Variants in PCDHA4 observed in about 807,000 individuals in gnomAD.
PCDHA4 encodes protocadherin alpha-4.
Under a neutral mutation model 61.4 loss-of-function variants are expected in PCDHA4, and 49 were observed. The ratio of observed to expected loss-of-function variants is 0.80; its 90% CI spans 0.63 to 1.01. The LOEUF (loss-of-function observed/expected upper bound fraction) is 1.01. PCDHA4 is among the 50% of genes least tolerant of loss of function. PCDHA4 has a pLI of 0.00. For synonymous variants in PCDHA4, 590 were observed against 550.3 expected (o/e 1.07, Z -1.01); for missense variants, 1,254 against 1,235.8 (o/e 1.01, Z -0.22).
At chr5:140,921,850 G>C (rs2080436717) in intron 1 of PCDHA4, among the ~76,000 whole-genome samples, 1 of 151,984 alleles carries the variant, frequency 6.6e-6, no homozygotes, top group African/African-American at 2.4e-5. Context: ...ATTTATAGAT[G>C]TGTGTGTATA....
At chr5:140,979,086 G>A in intron 2 of PCDHA4, 79 bp downstream of exon 2, 3 of 1,561,050 alleles carry the variant, frequency 1.9e-6, no homozygotes, top group South Asian at 2.4e-5. Flanking sequence ...CCATAGGCCA[G>A]AAGCAGCTGT....
chr5:140,997,668 T>TTGTGTGTGTGTG (rs35184029), intron 3 of PCDHA4, among the ~76,000 whole-genome samples: 18 of 148,344 alleles, frequency 1.2e-4, no homozygotes, highest in Middle Eastern at 3.4e-3. Flanking sequence ...ATTATACAGC[T>TTGTGTGTGTGTG]TGTGTGTGTG....
chr5:140,814,016 A>C (rs1002153926), intron 1 of PCDHA4: 1 of 152,744 alleles, frequency 6.5e-6, no homozygotes, highest in Non-Finnish European at 1.5e-5. Context: ...TTCTTTCTTC[A>C]GTAATAAATT....
At chr5:140,986,852 A>G (rs889945842) in intron 3 of PCDHA4, among the ~76,000 whole-genome samples, 1 of 152,190 alleles carries the variant, frequency 6.6e-6, no homozygotes, top group Admixed American at 6.5e-5. Flanking sequence ...CAGCAACACC[A>G]ACAATACCCG....
rs147906609 is a variant in PCDHA4 at position 140,848,609 on chromosome 5, A to G, written c.2385+39037A>G. The G allele has an allele frequency of 2.9e-3, 4,585 of 1,584,560 alleles. 516 individuals carry two copies. Among genetic ancestry groups the G allele is most frequent in the Middle Eastern group, 0.01 (58 of 5,734 alleles). On this transcript the variant is annotated intron_variant, in intron 1 of 3. Coordinates refer to ENST00000530339, the MANE Select transcript of PCDHA4 (RefSeq NM_018907.4). ...AGCTCCACTACTCCGTCCCGGAGGAAGCCGAACACGGCACCTTCGTGGGCC... is the reference window on the plus strand; with the variant it reads ...AGCTCCACTACTCCGTCCCGGAGGAGGCCGAACACGGCACCTTCGTGGGCC...
chr5:140,838,939 AAAAT>A lies in PCDHA4; in HGVS notation c.2385+29371_2385+29374del, dbSNP rs140008993. 4.7e-3 allele frequency among the ~76,000 whole-genome samples: 708 copies of A among 152,118 alleles called. 10 individuals are homozygous for A. The highest frequency in any genetic ancestry group is 5.1e-3 in the Non-Finnish European group (345 of 67,986). ...CAAAAATAAAATAAAATGAAATAATAAAATAAAATAAAATAAAAACCCAGAACTG... is the reference window on the plus strand; with the variant it reads ...CAAAAATAAAATAAAATGAAATAATAAAAATAAAATAAAAACCCAGAACTG... On this transcript the variant is annotated intron_variant, in intron 1 of 3. Coordinates refer to ENST00000530339, the MANE Select transcript of PCDHA4 (RefSeq NM_018907.4).
intron 1 of PCDHA4, among the ~76,000 whole-genome samples, chr5:140,846,373 C>CTTTTTTTTTT (rs374699051): frequency 3.6e-5 from 2 of 55,152 alleles, no homozygotes; most frequent in South Asian, 1.0e-3. Flanking sequence ...TTCTTTCTTT[C>CTTTTTTTTTT]TTTTTTTTTT....
At chr5:140,829,876 C>G in intron 1 of PCDHA4, 2 of 1,613,910 alleles carry the variant, frequency 1.2e-6, no homozygotes, top group Non-Finnish European at 8.5e-7. Flanking sequence ...CGAAGGTGCG[C>G]GCAGTTGACG....
intron 1 of PCDHA4, chr5:140,869,209 T>C (rs782345986): frequency 1.2e-6 from 2 of 1,613,950 alleles, no homozygotes; most frequent in South Asian, 2.2e-5. Flanking sequence ...CTACTCCGTC[T>C]CGGAGGAGGC....
chr5:140,877,743 G>C, intron 1 of PCDHA4: 1 of 1,614,148 alleles, frequency 6.2e-7, no homozygotes, highest in Non-Finnish European at 8.5e-7. Flanking sequence ...GGAGGCAGAG[G>C]GTGTGCTCTG....
chr5:140,950,919 T>TCCACA (rs1554219687), intron 1 of PCDHA4, among the ~76,000 whole-genome samples: 4 of 152,198 alleles, frequency 2.6e-5, no homozygotes, highest in African/African-American at 9.6e-5. Context: ...TTTATTTCAG[T>TCCACA]TCTTTTTCTT....
At chr5:140,935,232 A>G (rs2090253350) in intron 1 of PCDHA4, among the ~76,000 whole-genome samples, 1 of 152,110 alleles carries the variant, frequency 6.6e-6, no homozygotes, top group African/African-American at 2.4e-5. Context: ...AGGGATGTCT[A>G]TTTTTTAAAA....
chr5:140,886,458 T>G (rs888629917), intron 1 of PCDHA4, among the ~76,000 whole-genome samples: 1 of 152,174 alleles, frequency 6.6e-6, no homozygotes, highest in Non-Finnish European at 1.5e-5. Flanking sequence ...TTGTCATATA[T>G]AAATGTTTTT....
chr5:140,980,487 G>C (rs2096891705), intron 2 of PCDHA4, among the ~76,000 whole-genome samples: 1 of 152,124 alleles, frequency 6.6e-6, no homozygotes, highest in African/African-American at 2.4e-5. Flanking sequence ...AAAATTAGCT[G>C]GGCGTGATGG....
chr5:140,989,010 A>G (rs2097325577), intron 3 of PCDHA4: 1 of 152,226 alleles, frequency 6.6e-6, no homozygotes, highest in Non-Finnish European at 1.5e-5. Context: ...GAGACTTATT[A>G]TAGTTTCTTC....
At chr5:140,867,891 G>A (rs1468636250) in intron 1 of PCDHA4, 1 of 152,016 alleles carries the variant, frequency 6.6e-6, no homozygotes, top group Non-Finnish European at 1.5e-5. Flanking sequence ...CACAATATCA[G>A]GTACTTACAG....
chr5:140,982,254 T>C (rs1275431812), intron 2 of PCDHA4: 9 of 774,802 alleles, frequency 1.2e-5, no homozygotes, highest in Non-Finnish European at 1.5e-5. Flanking sequence ...AGATAGAACA[T>C]GTGTGTTCCT....
At chr5:140,989,171 G>A (rs2097331816) in intron 3 of PCDHA4, among the ~76,000 whole-genome samples, 1 of 152,116 alleles carries the variant, frequency 6.6e-6, no homozygotes, top group African/African-American at 2.4e-5. Flanking sequence ...GCATAAAACA[G>A]GAGAGTTTCT....
chr5:140,870,054 T>A (rs895309313), intron 1 of PCDHA4: 2 of 1,613,676 alleles, frequency 1.2e-6, no homozygotes, highest in African/African-American at 2.7e-5. Flanking sequence ...TTTATAAAAT[T>A]GAAGTACAGG....
Sources: allele counts gnomAD v4.1 joint callset (sites outside exome capture counted in the v4.1 genomes callset), GRCh38; gene constraint gnomAD v4.1.1; transcripts MANE v1.5; gene names NCBI Gene and HGNC (gene_info 2026-07-23, HGNC 2026-07-21).